The following MAD1L1 variants were observed in gnomAD, a reference collection of about 807,000 sequenced individuals.
The protein encoded by MAD1L1 is mitotic spindle assembly checkpoint protein MAD1.
A neutral mutation model predicts 96.9 loss-of-function variants in MAD1L1; 95 were observed. The ratio of observed to expected loss-of-function variants is 0.98; its 90% CI spans 0.83 to 1.16. MAD1L1 has a LOEUF of 1.16. Among genes scored for constraint, MAD1L1 ranks in the 50% most tolerant of loss-of-function variants. The pLI, the probability that MAD1L1 is intolerant of heterozygous loss-of-function variation, is 0.00. For synonymous variants in MAD1L1, 473 were observed against 396.6 expected, an observed-to-expected ratio of 1.19 and a Z score of -2.29; for missense variants, 1,007 against 954.4, an observed-to-expected ratio of 1.06 and a Z score of -0.73.
intron 18 of MAD1L1, among the ~76,000 whole-genome samples, chr7:1,897,704 C>T (rs555840163): frequency 1.4e-4 from 22 of 152,354 alleles, no homozygotes; most frequent in Admixed American, 5.2e-4. Flanking sequence ...GCTCGCAGGA[C>T]GCGAGTGTAG....
At chr7:2,031,856 T>C (rs1240293712) in intron 12 of MAD1L1, among the ~76,000 whole-genome samples, 1 of 152,196 alleles carries the variant, frequency 6.6e-6, no homozygotes, top group African/African-American at 2.4e-5. Context: ...CAGGGCAACG[T>C]GGGAAACAGA....
At chr7:1,882,210 G>A (rs1785724939) in intron 18 of MAD1L1, among the ~76,000 whole-genome samples, 1 of 152,238 alleles carries the variant, frequency 6.6e-6, no homozygotes, top group African/African-American at 2.4e-5. Context: ...ACACCCCGGG[G>A]TGCCTCGGGA....
At chr7:2,009,258 T>C (rs1196760908) in intron 13 of MAD1L1, among the ~76,000 whole-genome samples, 2 of 152,196 alleles carry the variant, frequency 1.3e-5, no homozygotes, top group Non-Finnish European at 2.9e-5. Flanking sequence ...CCAACACTCC[T>C]GCCAGCCAGG....
At chr7:2,080,623 C>G (rs373746791) in intron 11 of MAD1L1, among the ~76,000 whole-genome samples, 2 of 150,600 alleles carry the variant, frequency 1.3e-5, no homozygotes, top group Admixed American at 6.7e-5. Context: ...GAGCAGGACT[C>G]AAAGAACAGC....
intron 15 of MAD1L1, among the ~76,000 whole-genome samples, chr7:1,977,074 G>A (rs183859905): frequency 1.3e-5 from 2 of 152,388 alleles, no homozygotes; most frequent in Non-Finnish European, 2.9e-5. Flanking sequence ...ACGCCGGGCT[G>A]GGGGCAGAGC....
rs543740430 is a variant in MAD1L1, at chr7:2,120,270, G to A, written c.1073+28882C>T. Reference sequence around the variant, plus strand: ...TGTGCTTACCCCAACAGCCCCGCCTGTATGTTACAGCAAATGGCACCTCCT... The same window carrying A: ...TGTGCTTACCCCAACAGCCCCGCCTATATGTTACAGCAAATGGCACCTCCT... On this transcript the variant is annotated intron_variant, in intron 11 of 18. Transcript: ENST00000265854. Among the ~76,000 whole-genome samples, 33 of 152,298 alleles carry A rather than the reference G, an allele frequency of 2.2e-4. 1 individual carries two copies. In the South Asian group the frequency reaches 6.6e-3, roughly 31 times the overall value.
chr7:2,083,879 C>T (rs1358752732), intron 11 of MAD1L1, among the ~76,000 whole-genome samples: 1 of 152,178 alleles, frequency 6.6e-6, no homozygotes, highest in Non-Finnish European at 1.5e-5. Flanking sequence ...TCCTGTGGGC[C>T]GGCTGCAGGA....
intron 14 of MAD1L1, among the ~76,000 whole-genome samples, chr7:1,981,452 G>T (rs550193255): frequency 2.5e-4 from 38 of 152,268 alleles, no homozygotes; most frequent in African/African-American, 9.1e-4. Context: ...CAGGGCCCGG[G>T]GGTGCTAAGG....
chr7:2,170,952 T>C (rs1790677272), intron 10 of MAD1L1, among the ~76,000 whole-genome samples: 1 of 151,912 alleles, frequency 6.6e-6, no homozygotes, highest in African/African-American at 2.4e-5. Context: ...ACATGGGGGG[T>C]TGGCGGTTAT....
At chr7:1,984,223 A>C (rs1384863111) in intron 14 of MAD1L1, among the ~76,000 whole-genome samples, 1 of 152,184 alleles carries the variant, frequency 6.6e-6, no homozygotes, top group Non-Finnish European at 1.5e-5. Flanking sequence ...TTAAATTCCA[A>C]GTGTTAGGAG....
rs117019069 is a variant in MAD1L1 at position 1,884,407 on chromosome 7, G to A, written c.1998+13793C>T. Among the ~76,000 whole-genome samples, 51 of 152,296 alleles carry A rather than the reference G, an allele frequency of 3.3e-4. 2 individuals carry two copies. The East Asian group carries it at 9.9e-3, about 30-fold the overall frequency. ...AGCCTGAGGTGAGCCCTGGACTCCT[G>A]CAGCCTCAGCGCCTCTGGCTGAGTT... On this transcript the variant is annotated intron_variant, in intron 18 of 18. Coordinates refer to ENST00000265854, the MANE Select transcript of MAD1L1 (RefSeq NM_001013836.2).
chr7:2,029,789 C>A lies in MAD1L1; in HGVS notation c.1219-15147G>T, dbSNP rs183106377. ...ACTCTGCATGACACACCCAGGGCAG[C>A]AGAAGAGGAGGAGCCCAGCAAGTTT... On this transcript the variant is annotated intron_variant, in intron 12 of 18. Transcript: ENST00000265854. 1.9e-3 allele frequency among the ~76,000 whole-genome samples: 288 copies of A among 152,020 alleles called. 1 individual carries two copies. The highest frequency in any genetic ancestry group is 3.9e-3 in the Non-Finnish European group (265 of 67,972).
chr7:1,916,233 C>T (rs553119382), intron 17 of MAD1L1, among the ~76,000 whole-genome samples: 20 of 152,296 alleles, frequency 1.3e-4, no homozygotes, highest in Admixed American at 6.5e-4. Context: ...CAGCTCCTCT[C>T]CTCCCTAGAA....
rs185636568 is a variant in MAD1L1, at chr7:1,822,327, T to C, written c.1999-6099A>G. 5.9e-4 allele frequency among the ~76,000 whole-genome samples: 90 copies of C among 151,966 alleles called. 1 individual carries two copies. In the East Asian group the frequency reaches 0.014, roughly 24 times the overall value. On this transcript the variant is annotated intron_variant, in intron 18 of 18. Transcript: ENST00000265854. ...GAATCGAAAGGAATAAAAAGAATGT[T>C]TGTATAAATAGATACAATGTTTATG...
chr7:2,195,926 C>T (rs562626978), intron 10 of MAD1L1, among the ~76,000 whole-genome samples: 21 of 152,382 alleles, frequency 1.4e-4, no homozygotes, highest in African/African-American at 5.0e-4. Context: ...CGCACATGTG[C>T]TGAGTTCCGC....
intron 12 of MAD1L1, among the ~76,000 whole-genome samples, chr7:2,024,750 GC>G (rs2128503477): frequency 6.6e-6 from 1 of 152,226 alleles, no homozygotes; most frequent in Non-Finnish European, 1.5e-5. Flanking sequence ...GACGACCCCA[GC>G]CCTGGGTTCA....
At chr7:1,878,929 G>C (rs1246993972) in intron 18 of MAD1L1, among the ~76,000 whole-genome samples, 2 of 152,040 alleles carry the variant, frequency 1.3e-5, no homozygotes, top group Non-Finnish European at 2.9e-5. Flanking sequence ...AATTCAGCAA[G>C]GTTACAGAAT....
rs187375029 is a variant in MAD1L1, at chr7:2,179,385, G to A, written c.987-30147C>T. 9.3e-4 allele frequency among the ~76,000 whole-genome samples: 142 copies of A among 152,078 alleles called. No homozygotes were observed. The East Asian group carries it at 0.022, about 23-fold the overall frequency. Reference sequence around the variant, plus strand: ...TCTACTAAAAATATAAAAATTAGCCGGGCATGGTGGCGCATGCCTGTAATC... The same window carrying A: ...TCTACTAAAAATATAAAAATTAGCCAGGCATGGTGGCGCATGCCTGTAATC... On this transcript the variant is annotated intron_variant, in intron 10 of 18. Coordinates refer to ENST00000265854, the MANE Select transcript of MAD1L1 (RefSeq NM_001013836.2).
intron 10 of MAD1L1, among the ~76,000 whole-genome samples, chr7:2,203,614 A>G (rs921987660): frequency 1.1e-4 from 16 of 152,162 alleles, no homozygotes; most frequent in African/African-American, 3.4e-4. Context: ...GTCCGTCTGC[A>G]CTCCAGCACA....
Sources: allele counts gnomAD v4.1 joint callset (sites outside exome capture counted in the v4.1 genomes callset), GRCh38; gene constraint gnomAD v4.1.1; transcripts MANE v1.5; gene names NCBI Gene and HGNC (gene_info 2026-07-23, HGNC 2026-07-21).